Variants in COPB1 observed in about 807,000 individuals in gnomAD.
The protein encoded by COPB1 is coat protein complex I subunit beta 1.
A neutral mutation model predicts 108.7 loss-of-function variants in COPB1; 21 were observed. The observed-to-expected ratio is 0.19, with a 90% CI of 0.14 to 0.28. The LOEUF is 0.28. Among genes scored for constraint, COPB1 ranks in the 10% least tolerant of loss-of-function variants. The pLI, the probability that COPB1 is intolerant of heterozygous loss-of-function variation, is 1.00. For missense variants in COPB1, 919 were observed against 1,141.3 expected (o/e 0.81, Z 2.81); for synonymous variants, 378 against 386.8 (o/e 0.98, Z 0.27).
Position 14,468,853 on chromosome 11 carries a change from G to A in COPB1, c.1973C>T (p.Ser658Phe). The A allele has an allele frequency of 6.2e-7, 1 of 1,613,094 alleles. No homozygotes were observed. Among genetic ancestry groups the A allele is most frequent in the Non-Finnish European group, 8.5e-7 (1 of 1,179,462 alleles). The stretch of plus-strand genomic sequence containing the variant: ...CTGTACTGTCACATTCCTCTTTTCA[G>A]ATTCTTTCTGTGTTGAGAATATAAC... ...EEEKLSQKKE[S>F]EKRNVTVQPD... The change falls in exon 16 of 22, where the codon TCT becomes TTT. Residue 658 changes from serine (S) to phenylalanine (F), a missense_variant. By Grantham distance (155) the Ser-to-Phe change is radical. Transcript: ENST00000439561.
At chr11:14,476,360 C>T (rs967225441) in intron 12 of COPB1, among the ~76,000 whole-genome samples, 2 of 152,076 alleles carry the variant, frequency 1.3e-5, no homozygotes, top group East Asian at 3.8e-4. Flanking sequence ...GAAATAAATC[C>T]GACTTATTTG....
At chr11:14,482,915 A>G in intron 8 of COPB1, 117 bp downstream of exon 8, 1 of 912,350 alleles carries the variant, frequency 1.1e-6, no homozygotes, top group Non-Finnish European at 1.6e-6. Context: ...TAGCTGATCA[A>G]AATATAAACT....
chr11:14,489,160 A>T (rs1269170667), intron 5 of COPB1, among the ~76,000 whole-genome samples: 2 of 152,212 alleles, frequency 1.3e-5, no homozygotes, highest in Non-Finnish European at 2.9e-5. Context: ...GGAAGACAAA[A>T]TGACAATATT....
At chr11:14,459,471 C>T (rs2597204) in intron 20 of COPB1, among the ~76,000 whole-genome samples, 110,604 of 151,564 alleles carry the variant, frequency 0.73, 40,745 homozygotes, top group African/African-American at 0.83. Flanking sequence ...TTTTCTTTCT[C>T]TCTCGTTTTT....
intron 3 of COPB1, 114 bp from the exon 4 acceptor site, chr11:14,493,925 C>T: frequency 1.1e-6 from 1 of 936,948 alleles, no homozygotes; most frequent in Non-Finnish European, 1.5e-6. Flanking sequence ...ACCTAGATTA[C>T]CGACAATTTC....
chr11:14,472,234 C>T (rs2597195), intron 14 of COPB1, among the ~76,000 whole-genome samples: 22,438 of 152,148 alleles, frequency 0.15, 2,050 homozygotes, highest in African/African-American at 0.27. Context: ...GGCATGAAAA[C>T]ATTCATTTCT....
intron 20 of COPB1, among the ~76,000 whole-genome samples, chr11:14,459,546 T>C (rs1441649696): frequency 1.3e-5 from 2 of 152,174 alleles, no homozygotes; most frequent in East Asian, 3.8e-4. Context: ...TGAGCACATA[T>C]ATTTTAACCA....
At chr11:14,478,142 A>T (rs1850570730) in intron 11 of COPB1, among the ~76,000 whole-genome samples, 1 of 152,152 alleles carries the variant, frequency 6.6e-6, no homozygotes, top group African/African-American at 2.4e-5. Context: ...AAGTAAAATA[A>T]CTGTTCTTAT....
intron 16 of COPB1, among the ~76,000 whole-genome samples, chr11:14,468,079 T>G (rs1565013617): frequency 6.6e-6 from 1 of 152,148 alleles, no homozygotes; most frequent in Admixed American, 6.5e-5. Context: ...CTAAAAAAAT[T>G]TTATAAATGT....
intron 2 of COPB1, among the ~76,000 whole-genome samples, chr11:14,497,718 A>G (rs1305744519): frequency 6.6e-6 from 1 of 152,232 alleles, no homozygotes; most frequent in African/African-American, 2.4e-5. Flanking sequence ...GGAAATGAGT[A>G]CATCAAAGAG....
At chr11:14,460,350 C>A in intron 19 of COPB1, 53 bp from the exon 20 acceptor site, 1 of 1,124,494 alleles carries the variant, frequency 8.9e-7, no homozygotes, top group Non-Finnish European at 1.3e-6. Context: ...TATGAGAAAG[C>A]TGTGAATCAC....
chr11:14,481,719 T>TA (rs553115337), intron 8 of COPB1, among the ~76,000 whole-genome samples: 260 of 152,336 alleles, frequency 1.7e-3, no homozygotes, highest in Non-Finnish European at 2.9e-3. Context: ...TCGAAACTGA[T>TA]AAAAAAGTTC....
rs1850548091 is a variant in COPB1 at position 14,477,390 on chromosome 11, A to AAAAAAAAAAAAC, written c.1359-376_1359-375insGTTTTTTTTTTT. Reference sequence around the variant, plus strand: ...GGGTGACAGAGCGAGACTCCGTCTCAAAAAAAAAAAAAAAACAAGGGCCAG... The same window carrying AAAAAAAAAAAAC: ...GGGTGACAGAGCGAGACTCCGTCTCAAAAAAAAAAAACAAAAAAAAAAAAAAACAAGGGCCAG... On this transcript the variant is annotated intron_variant, in intron 11 of 21. Coordinates refer to ENST00000439561, the MANE Select transcript of COPB1 (RefSeq NM_001144061.2). Among the ~76,000 whole-genome samples the AAAAAAAAAAAAC allele has an allele frequency of 7.6e-5, 2 of 26,196 alleles. 1 individual carries two copies. Among genetic ancestry groups the AAAAAAAAAAAAC allele is most frequent in the African/African-American group, 4.3e-4 (2 of 4,672 alleles). 17.2% of individuals were successfully genotyped at this position (26,196 alleles called of 152,430 possible). A position where few individuals can be genotyped will look rare whatever the true frequency, so the allele number is the denominator to read the frequency against.
At chr11:14,491,354 T>C (rs1850898055) in intron 4 of COPB1, among the ~76,000 whole-genome samples, 1 of 152,112 alleles carries the variant, frequency 6.6e-6, no homozygotes. Context: ...GGCCTGCTTT[T>C]TGAAACTTCA....
rs538948337 is a variant in COPB1 at position 14,479,721 on chromosome 11, GAAAAA to G, written c.1213-12_1213-8del. Reference sequence around the variant, plus strand: ...CACTGAGAAATTCCATTAACTAAAAGAAAAAAAAAAAAAAGAAAATGGAACTAACA... The same window carrying G: ...CACTGAGAAATTCCATTAACTAAAAGAAAAAAAAAGAAAATGGAACTAACA... On this transcript the variant is annotated splice_region_variant and splice_polypyrimidine_tract_variant and intron_variant, in intron 10 of 21. Transcript: ENST00000439561. 1.7e-6 allele frequency: 2 copies of G among 1,171,896 alleles called. No individual in the cohort carries two copies. Among genetic ancestry groups the G allele is most frequent in the Non-Finnish European group, 2.3e-6 (2 of 876,382 alleles). The allele number at this position is 1,171,896 out of a possible 1,614,324, so 72.6% of individuals were successfully genotyped here. A position where few individuals can be genotyped will look rare whatever the true frequency, so the allele number is the denominator to read the frequency against.
chr11:14,491,109 G>C (rs1354040392), intron 4 of COPB1, among the ~76,000 whole-genome samples: 1 of 151,514 alleles, frequency 6.6e-6, no homozygotes, highest in East Asian at 2.0e-4. Context: ...GCAGTGGAGT[G>C]ATCTCGGCTT....
At chr11:14,479,293 C>T (rs1430107844) in intron 11 of COPB1, among the ~76,000 whole-genome samples, 2 of 152,090 alleles carry the variant, frequency 1.3e-5, no homozygotes, top group Non-Finnish European at 2.9e-5. Flanking sequence ...AAAAGTGATG[C>T]CATTTAAAAA....
chr11:14,499,050 A>C, intron 1 of COPB1, 65 bp from the exon 2 acceptor site: 1 of 743,378 alleles, frequency 1.3e-6, no homozygotes, highest in Non-Finnish European at 2.1e-6. Context: ...ACAAGTACCT[A>C]TAGTGACCTT....
rs1283087050 is a variant in COPB1, at chr11:14,498,937, GTTATA to G, written c.-14_-10del. On this transcript the variant is annotated 5_prime_UTR_variant, in exon 2 of 22. Transcript: ENST00000439561. ...TTCTCAGCCGCCGTCATGGTTTCTG[GTTATA>G]TTATAACCAATCCTTGACACAAGAT... 5 of 1,600,328 alleles carry G rather than the reference GTTATA, an allele frequency of 3.1e-6. No individual in the cohort carries two copies. In the African/African-American group the frequency reaches 4.1e-5, roughly 13 times the overall value.
Sources: allele counts gnomAD v4.1 joint callset (sites outside exome capture counted in the v4.1 genomes callset), GRCh38; gene constraint gnomAD v4.1.1; transcripts MANE v1.5; gene names NCBI Gene and HGNC (gene_info 2026-07-23, HGNC 2026-07-21).